SNTG1: variants seen among roughly 807,000 people sequenced by gnomAD.
SNTG1 encodes the protein gamma-1-syntrophin.
In SNTG1, 39 loss-of-function variants were observed where a neutral mutation model predicts 74.7. That is an observed-to-expected ratio of 0.52 (90% CI 0.40 to 0.68). The LOEUF is 0.68. Among genes scored for constraint, SNTG1 ranks in the 30% least tolerant of loss-of-function variants. SNTG1 has a pLI of 0.00. For missense variants in SNTG1, 685 were observed against 609.5 expected (o/e 1.12, Z -1.30); for synonymous variants, 254 against 217.1 (o/e 1.17, Z -1.49).
chr8:50,721,337 A>G (rs1277515898), intron 17 of SNTG1, among the ~76,000 whole-genome samples: 1 of 152,204 alleles, frequency 6.6e-6, no homozygotes, highest in Non-Finnish European at 1.5e-5. Context: ...CTTCCCACTG[A>G]CATTCTCTAG....
chr8:50,175,672 G>A (rs184716844), intron 2 of SNTG1, among the ~76,000 whole-genome samples: 3 of 152,266 alleles, frequency 2.0e-5, no homozygotes, highest in African/African-American at 7.2e-5. Context: ...CCCAATAAGA[G>A]TACAGGTTAT....
At position 49,957,114 on chromosome 8, in the gene SNTG1, T is replaced by C. The variant is rs571101648; in HGVS notation, c.-103+44883T>C. 1.1e-4 allele frequency among the ~76,000 whole-genome samples: 16 copies of C among 152,328 alleles called. No individual in the cohort carries two copies. The South Asian group carries it at 3.1e-3, about 30-fold the overall frequency. ...CTAAAAAGCTCTAACAAAAGTAGCA[T>C]AGTCAGTAACCTAACCCAGTTCTAG... is the stretch of plus-strand genomic sequence containing the variant. On this transcript the variant is annotated intron_variant, in intron 1 of 18. Coordinates refer to ENST00000642720, the MANE Select transcript of SNTG1 (RefSeq NM_018967.5).
intron 17 of SNTG1, among the ~76,000 whole-genome samples, chr8:50,743,660 A>G (rs72645812): frequency 3.6e-4 from 54 of 151,202 alleles, no homozygotes; most frequent in East Asian, 1.6e-3. Context: ...AAAAAAAAAA[A>G]GCCAAAGAAA....
chr8:50,665,240 A>G (rs1473912159), intron 15 of SNTG1, among the ~76,000 whole-genome samples: 1 of 152,092 alleles, frequency 6.6e-6, no homozygotes, highest in Non-Finnish European at 1.5e-5. Context: ...AGAAAGAGGG[A>G]TTGATCAACT....
chr8:50,635,197 C>T (rs2131137229), intron 13 of SNTG1, among the ~76,000 whole-genome samples: 1 of 152,264 alleles, frequency 6.6e-6, no homozygotes, highest in South Asian at 2.1e-4. Flanking sequence ...GCATAATACA[C>T]TAAGCACTGC....
intron 12 of SNTG1, among the ~76,000 whole-genome samples, chr8:50,561,827 A>G (rs1174564638): frequency 6.6e-6 from 1 of 152,180 alleles, no homozygotes; most frequent in Non-Finnish European, 1.5e-5. Context: ...GACATTTCCC[A>G]TTGAACTATT....
intron 1 of SNTG1, among the ~76,000 whole-genome samples, chr8:50,019,865 C>T (rs1033379957): frequency 6.6e-6 from 1 of 152,078 alleles, no homozygotes; most frequent in Non-Finnish European, 1.5e-5. Flanking sequence ...TGCTATCATG[C>T]ATGTCAAGAG....
At chr8:50,220,051 A>G (rs992683547) in intron 2 of SNTG1, among the ~76,000 whole-genome samples, 1 of 152,160 alleles carries the variant, frequency 6.6e-6, no homozygotes, top group African/African-American at 2.4e-5. Context: ...GGAGAAATTG[A>G]CATATCTGGA....
chr8:50,726,573 G>A (rs2095500627), intron 17 of SNTG1, among the ~76,000 whole-genome samples: 1 of 152,200 alleles, frequency 6.6e-6, no homozygotes, highest in Non-Finnish European at 1.5e-5. Flanking sequence ...TTTGAGGCTG[G>A]GCGCACTGGC....
intron 12 of SNTG1, among the ~76,000 whole-genome samples, chr8:50,565,672 T>C (rs946585486): frequency 6.6e-6 from 1 of 151,972 alleles, no homozygotes; most frequent in African/African-American, 2.4e-5. Context: ...GAGCAAAAAA[T>C]GGTTAGTCTC....
At chr8:50,402,042 T>A (rs528460920) in intron 3 of SNTG1, among the ~76,000 whole-genome samples, 168 bp from the exon 4 acceptor site, 28 of 152,274 alleles carry the variant, frequency 1.8e-4, no homozygotes, top group African/African-American at 5.5e-4. Flanking sequence ...TCATTCTCCT[T>A]TTTTTCCCTT....
At chr8:50,001,950 G>A (rs1814778735) in intron 1 of SNTG1, among the ~76,000 whole-genome samples, 1 of 152,132 alleles carries the variant, frequency 6.6e-6, no homozygotes, top group Non-Finnish European at 1.5e-5. Flanking sequence ...TGTGGAAGGT[G>A]ACCCAGACAG....
rs572501310 is a variant in SNTG1, at chr8:50,524,808, G to T, written c.467-5369G>T. Among the ~76,000 whole-genome samples, 10 of 152,210 alleles carry T rather than the reference G, an allele frequency of 6.6e-5. No homozygotes were observed. In the East Asian group the frequency reaches 1.7e-3, roughly 26 times the overall value. ...TTATGTAAGGGACTACAGCAGATGTGAATTTTGGTATGTGAAGGGTGTCCT... is the reference window on the plus strand; with the variant it reads ...TTATGTAAGGGACTACAGCAGATGTTAATTTTGGTATGTGAAGGGTGTCCT... On this transcript the variant is annotated intron_variant, in intron 9 of 18. Coordinates refer to ENST00000642720, the MANE Select transcript of SNTG1 (RefSeq NM_018967.5).
intron 2 of SNTG1, among the ~76,000 whole-genome samples, chr8:50,359,176 G>C (rs992547062): frequency 6.6e-6 from 1 of 152,070 alleles, no homozygotes; most frequent in Non-Finnish European, 1.5e-5. Flanking sequence ...CCCAAAATAG[G>C]CATGCCATTT....
At chr8:50,748,903 A>C (rs2095561064) in intron 17 of SNTG1, among the ~76,000 whole-genome samples, 1 of 151,992 alleles carries the variant, frequency 6.6e-6, no homozygotes, top group Non-Finnish European at 1.5e-5. Flanking sequence ...CCACAGACAC[A>C]ATAATTTGAA....
chr8:50,054,594 T>C (rs978995448), intron 1 of SNTG1, among the ~76,000 whole-genome samples: 2 of 152,150 alleles, frequency 1.3e-5, no homozygotes, highest in Non-Finnish European at 2.9e-5. Context: ...TGGCTTCCAT[T>C]GTTCAAGGTA....
chr8:50,583,394 C>CAAAAAAAAAAA (rs58794829), intron 12 of SNTG1, among the ~76,000 whole-genome samples: 1 of 82,422 alleles, frequency 1.2e-5, no homozygotes, highest in African/African-American at 5.4e-5. Context: ...GAGTGAGACT[C>CAAAAAAAAAAA]AAAAAAAAAA....
chr8:50,037,494 C>A (rs1818265467), intron 1 of SNTG1, among the ~76,000 whole-genome samples: 1 of 152,028 alleles, frequency 6.6e-6, no homozygotes, highest in African/African-American at 2.4e-5. Context: ...AGTAAGGTTG[C>A]TAATAAAATG....
chr8:50,580,206 C>A (rs546553242), intron 12 of SNTG1, among the ~76,000 whole-genome samples: 1 of 152,246 alleles, frequency 6.6e-6, no homozygotes, highest in Non-Finnish European at 1.5e-5. Flanking sequence ...GCCTTTAGCC[C>A]CTTTGTTTTG....
Sources: gnomAD v4.1 joint callset for allele counts (sites outside exome capture counted in the v4.1 genomes callset) on GRCh38, gnomAD v4.1.1 for gene constraint, MANE v1.5 for transcripts, NCBI Gene and HGNC (gene_info 2026-07-23, HGNC 2026-07-21) for gene names.